ADRA1D: variants seen among roughly 807,000 people sequenced by gnomAD.
The protein encoded by ADRA1D is adrenoceptor alpha 1D, also known as alpha-1D adrenergic receptor.
A neutral mutation model predicts 18.6 loss-of-function variants in ADRA1D; 22 were observed. The observed-to-expected ratio is 1.19, with a 90% CI of 0.85 to 1.69. The LOEUF is 1.69. Ranked by LOEUF, ADRA1D falls within the 40% of genes most tolerant of loss-of-function variation. The pLI, the probability that ADRA1D is intolerant of heterozygous loss-of-function variation, is 0.00. For missense variants in ADRA1D, 840 were observed against 840.7 expected, an observed-to-expected ratio of 1.00 and a Z score of 0.01; for synonymous variants, 376 against 388.2, an observed-to-expected ratio of 0.97 and a Z score of 0.37.
intron 1 of ADRA1D, among the ~76,000 whole-genome samples, chr20:4,224,606 TGTTCCATCCTGGATAG>T (rs1568762321): frequency 4.7e-5 from 7 of 148,418 alleles, no homozygotes; most frequent in Non-Finnish European, 7.4e-5. Context: ...GGGCCAGGGG[TGTTCCATCCTGGATAG>T]AGGCTGCAGG....
chr20:4,248,140 A>G lies in ADRA1D; in HGVS notation c.818T>C (p.Met273Thr), dbSNP rs1415749108. ...FYLPMAVIVV[M>T]YCRVYVVARS... ...CGCGACCACGTACACGCGGCAGTAC[A>G]TGACCACGATGACCGCCATGGGCAG... Residue 273 changes from methionine (M) to threonine (T), a missense_variant, in exon 1 of 2, where the codon ATG (methionine) becomes ACG (threonine). Physicochemically the swap from Met to Thr is moderately conservative, Grantham distance 81 (BLOSUM62 -1). Transcript: ENST00000379453. 1.3e-5 allele frequency: 20 copies of G among 1,574,030 alleles called. No homozygotes were observed. Among genetic ancestry groups the G allele is most frequent in the Non-Finnish European group, 1.6e-5 (19 of 1,159,796 alleles).
chr20:4,230,979 G>A (rs28546476), intron 1 of ADRA1D, among the ~76,000 whole-genome samples: 1 of 152,000 alleles, frequency 6.6e-6, no homozygotes, highest in Admixed American at 6.6e-5. Flanking sequence ...GTTTCTTGAA[G>A]GCAGGTATGG....
At chr20:4,243,938 AT>A (rs1414157626) in intron 1 of ADRA1D, among the ~76,000 whole-genome samples, 1 of 152,038 alleles carries the variant, frequency 6.6e-6, no homozygotes, top group African/African-American at 2.4e-5. Flanking sequence ...GATTCTCTGG[AT>A]TTTAGGTGCC....
At chr20:4,227,499 T>C (rs781403020) in intron 1 of ADRA1D, among the ~76,000 whole-genome samples, 4 of 152,230 alleles carry the variant, frequency 2.6e-5, no homozygotes, top group Non-Finnish European at 5.9e-5. Flanking sequence ...AGGTACCTGA[T>C]ACATTCTTGG....
At chr20:4,233,865 C>T (rs1001955719) in intron 1 of ADRA1D, among the ~76,000 whole-genome samples, 2 of 152,130 alleles carry the variant, frequency 1.3e-5, no homozygotes, top group African/African-American at 4.8e-5. Context: ...GAGGAGATGA[C>T]CAAAAACAGA....
chr20:4,223,013 AGTT>A (rs1980710441), intron 1 of ADRA1D, among the ~76,000 whole-genome samples: 1 of 152,064 alleles, frequency 6.6e-6, no homozygotes, highest in African/African-American at 2.4e-5. Flanking sequence ...TATCACTTTC[AGTT>A]GTTGCAGATG....
chr20:4,248,697 G>C lies in ADRA1D; in HGVS notation c.261C>G (p.Val87=). Residue 87 remains valine (V), a synonymous_variant, in exon 1 of 2, where the codon GTC becomes GTG. Coordinates refer to ENST00000379453, the MANE Select transcript of ADRA1D (RefSeq NM_000678.4). The stretch of plus-strand genomic sequence containing the variant: ...CCTGCGCGCTCACCACCAGTCCCCC[G>C]ACGGCCGCCGTGCCATTCACGTCGC... ...AGGDVNGTAA[V]GGLVVSAQGV... 6.3e-7 allele frequency: 1 copy of C among 1,575,688 alleles called. No homozygotes were observed. Among genetic ancestry groups the C allele is most frequent in the Non-Finnish European group, 8.6e-7 (1 of 1,161,998 alleles).
Position 4,222,226 on chromosome 20 carries a change from T to G in ADRA1D, c.1112-96A>C. 6.7e-7 allele frequency: 1 copy of G among 1,493,640 alleles called. No homozygotes were observed. Among genetic ancestry groups the G allele is most frequent in the Non-Finnish European group, 8.9e-7 (1 of 1,123,484 alleles). 92.5% of individuals were successfully genotyped at this position (1,493,640 alleles called of 1,614,324 possible). On this transcript the variant is annotated intron_variant, in intron 1 of 1. Transcript: ENST00000379453. This position sits in a 1 kb window ranked among gnomAD's most constrained non-coding sequence, Gnocchi z 4.3. ...GGGGAGACCCTTCAGTAGCCTTGGC[T>G]GAGTCATTGACTAGGAGTTCTCAAG...
chr20:4,248,902 C>T lies in ADRA1D; in HGVS notation c.56G>A (p.Ser19Asn). The T allele has an allele frequency of 7.7e-7, 1 of 1,306,568 alleles. No homozygotes were observed. Among genetic ancestry groups the T allele is most frequent in the Non-Finnish European group, 9.9e-7 (1 of 1,014,894 alleles). The allele number at this position is 1,306,568 out of a possible 1,614,324, so 80.9% of individuals were successfully genotyped here. The change falls in exon 1 of 2, where the codon AGC (serine) becomes AAC (asparagine). Residue 19 changes from serine (S) to asparagine (N), a missense_variant. Transcript: ENST00000379453. ...VSFEGPRPDSSAGGSSAGGGG... is the reference protein window; with the variant it reads ...VSFEGPRPDSNAGGSSAGGGG... Reference sequence around the variant, plus strand: ...GCCGCCCGCGCTGGAGCCCCCTGCGCTGCTGTCCGGGCGGGGTCCCTCGAA... The same window carrying T: ...GCCGCCCGCGCTGGAGCCCCCTGCGTTGCTGTCCGGGCGGGGTCCCTCGAA...
At chr20:4,234,911 G>A (rs984538731) in intron 1 of ADRA1D, among the ~76,000 whole-genome samples, 3 of 152,294 alleles carry the variant, frequency 2.0e-5, no homozygotes, top group East Asian at 1.9e-4. Context: ...AGTTAGGACC[G>A]CCAAAGTGGA....
At chr20:4,231,577 G>C (rs1980971633) in intron 1 of ADRA1D, among the ~76,000 whole-genome samples, 1 of 152,214 alleles carries the variant, frequency 6.6e-6, no homozygotes. Context: ...CTAATGTGCA[G>C]AGGAAGGAAA....
intron 1 of ADRA1D, among the ~76,000 whole-genome samples, chr20:4,225,783 G>C (rs1980784502): frequency 6.6e-6 from 1 of 152,152 alleles, no homozygotes; most frequent in South Asian, 2.1e-4. Context: ...TCTGGGAAGG[G>C]ACCCAGTTTC....
Position 4,247,996 on chromosome 20 carries a change from A to C in ADRA1D, c.962T>G (p.Met321Arg). The change falls in exon 1 of 2, where the codon ATG becomes AGG. Residue 321 changes from methionine to arginine, a missense_variant. By Grantham distance (91) the Met-to-Arg change is moderately conservative. Transcript: ENST00000379453. ...GAAGGTGTGGCCCTTGGCGCTGCGCATGCCGTGCGCCCCGTCGGCGCCCGT... is the reference window on the plus strand; with the variant it reads ...GAAGGTGTGGCCCTTGGCGCTGCGCCTGCCGTGCGCCCCGTCGGCGCCCGT... ...AATGADGAHG[M>R]RSAKGHTFRS... 1 of 1,565,720 alleles carries C rather than the reference A, an allele frequency of 6.4e-7. No homozygotes were observed.
At chr20:4,226,212 A>G (rs835878) in intron 1 of ADRA1D, among the ~76,000 whole-genome samples, 87,999 of 152,098 alleles carry the variant, frequency 0.58, 25,594 homozygotes, top group East Asian at 0.69. Context: ...ATTTATGCTC[A>G]ACCAACCTGA....
intron 1 of ADRA1D, among the ~76,000 whole-genome samples, chr20:4,242,724 TCC>T (rs1328697652): frequency 6.6e-6 from 1 of 152,120 alleles, no homozygotes; most frequent in African/African-American, 2.4e-5. Flanking sequence ...GCTCTGAGTC[TCC>T]GGGCTGCTTT....
intron 1 of ADRA1D, among the ~76,000 whole-genome samples, chr20:4,232,904 G>A (rs1039548327): frequency 1.3e-5 from 2 of 152,140 alleles, no homozygotes; most frequent in Non-Finnish European, 2.9e-5. Flanking sequence ...GGATCCCTGT[G>A]GGGTCGGGCT....
At chr20:4,235,378 C>T (rs1021518350) in intron 1 of ADRA1D, among the ~76,000 whole-genome samples, 3 of 152,338 alleles carry the variant, frequency 2.0e-5, no homozygotes, top group African/African-American at 4.8e-5. Context: ...CACCAGGCCC[C>T]ACCCATTTCT....
At chr20:4,236,144 T>A (rs1981085458) in intron 1 of ADRA1D, among the ~76,000 whole-genome samples, 1 of 152,128 alleles carries the variant, frequency 6.6e-6, no homozygotes, top group Non-Finnish European at 1.5e-5. Flanking sequence ...AGAAATAACA[T>A]GGACTCTGGG....
At chr20:4,245,038 G>C (rs1568769127) in intron 1 of ADRA1D, among the ~76,000 whole-genome samples, 1 of 152,236 alleles carries the variant, frequency 6.6e-6, no homozygotes, top group Non-Finnish European at 1.5e-5. Flanking sequence ...GATTGAGAAA[G>C]AGCTGTGCGT....
Sources: gnomAD v4.1 joint callset for allele counts (sites outside exome capture counted in the v4.1 genomes callset) on GRCh38, gnomAD v4.1.1 for gene constraint, Gnocchi (gnomAD v3.1) non-coding constraint, MANE v1.5 for transcripts, NCBI Gene and HGNC (gene_info 2026-07-23, HGNC 2026-07-21) for gene names.